The following RAPGEF5 variants were observed in gnomAD, a reference collection of about 807,000 sequenced individuals.
The protein encoded by RAPGEF5 is Rap guanine nucleotide exchange factor 5, also known as M-Ras-regulated GEF.
In RAPGEF5, 65 loss-of-function variants were observed where a neutral mutation model predicts 125.2. The observed-to-expected ratio is 0.52, with a 90% CI of 0.43 to 0.64. RAPGEF5 has a LOEUF of 0.64. Ranked by LOEUF, RAPGEF5 falls within the 30% of genes least tolerant of loss-of-function variation. The pLI is 0.00. For synonymous variants in RAPGEF5, 391 were observed against 385.9 expected (o/e 1.01, Z -0.16); for missense variants, 958 against 1,048.1 (o/e 0.91, Z 1.19).
At chr7:22,179,843 T>C (rs891737519) in intron 11 of RAPGEF5, among the ~76,000 whole-genome samples, 6 of 152,180 alleles carry the variant, frequency 3.9e-5, no homozygotes, top group Admixed American at 1.3e-4. Context: ...TTACCACATA[T>C]GTTCTAAAAA....
intron 9 of RAPGEF5, among the ~76,000 whole-genome samples, chr7:22,215,830 TC>T (rs1370727405): frequency 2.0e-5 from 3 of 152,090 alleles, no homozygotes; most frequent in African/African-American, 7.2e-5. Context: ...GTTTGTGTAG[TC>T]CCCATAGTGT....
At chr7:22,341,127 G>A (rs1784120316) in intron 1 of RAPGEF5, among the ~76,000 whole-genome samples, 1 of 152,174 alleles carries the variant, frequency 6.6e-6, no homozygotes, top group East Asian at 1.9e-4. Flanking sequence ...ATTTACAAAA[G>A]AAATAGGTTT....
At chr7:22,297,544 T>C (rs1783090044) in intron 5 of RAPGEF5, among the ~76,000 whole-genome samples, 1 of 152,132 alleles carries the variant, frequency 6.6e-6, no homozygotes, top group Non-Finnish European at 1.5e-5. Flanking sequence ...TTAAAGGCCA[T>C]GAATATAAAA....
intron 24 of RAPGEF5, among the ~76,000 whole-genome samples, chr7:22,128,744 G>A (rs1782823852): frequency 6.6e-6 from 1 of 152,166 alleles, no homozygotes; most frequent in Non-Finnish European, 1.5e-5. Context: ...CTAGTCCCAG[G>A]TGTGGAGCCT....
chr7:22,202,371 C>T (rs1465600002), intron 9 of RAPGEF5, among the ~76,000 whole-genome samples: 1 of 152,136 alleles, frequency 6.6e-6, no homozygotes. Context: ...ACAGGGCTTG[C>T]CTTATCTACA....
At chr7:22,168,134 A>C (rs1016476730) in intron 11 of RAPGEF5, among the ~76,000 whole-genome samples, 11 of 152,148 alleles carry the variant, frequency 7.2e-5, no homozygotes, top group Admixed American at 6.5e-4. Flanking sequence ...TGTCCTTTGC[A>C]ACACCCCCAC....
rs149878908 is a variant in RAPGEF5 at position 22,303,929 on chromosome 7, C to G, written c.680+4410G>C. ...AAGGCAAGAAGAGCAGAGGAAAGAG[C>G]AAGAGTATCACACTGGCATGAGGAA... On this transcript the variant is annotated intron_variant, in intron 5 of 25. Transcript: ENST00000665637. Among the ~76,000 whole-genome samples the G allele has an allele frequency of 3.1e-3, 478 of 152,220 alleles. 3 individuals are homozygous for G. Among genetic ancestry groups the G allele is most frequent in the African/African-American group, 0.011 (442 of 41,532 alleles).
intron 1 of RAPGEF5, among the ~76,000 whole-genome samples, chr7:22,334,283 TA>T (rs1783985133): frequency 6.6e-6 from 1 of 152,024 alleles, no homozygotes; most frequent in Non-Finnish European, 1.5e-5. Flanking sequence ...AGAGAAGTGT[TA>T]AAAATGATCA....
intron 24 of RAPGEF5, among the ~76,000 whole-genome samples, chr7:22,128,765 G>A (rs1285045859): frequency 1.3e-5 from 2 of 152,186 alleles, no homozygotes; most frequent in Non-Finnish European, 2.9e-5. Flanking sequence ...GCCCTCTGAG[G>A]AAATGAAGAG....
chr7:22,279,023 A>G (rs929084981), intron 6 of RAPGEF5, among the ~76,000 whole-genome samples: 1 of 152,160 alleles, frequency 6.6e-6, no homozygotes, highest in African/African-American at 2.4e-5. Context: ...ACCCAGCTAC[A>G]TAGCCTATTC....
chr7:22,149,171 G>A (rs569676355), intron 18 of RAPGEF5, among the ~76,000 whole-genome samples: 19 of 152,300 alleles, frequency 1.2e-4, no homozygotes, highest in African/African-American at 2.9e-4. Flanking sequence ...ACGAGATACC[G>A]TATGTAAATT....
intron 1 of RAPGEF5, among the ~76,000 whole-genome samples, chr7:22,320,933 G>T (rs1051682195): frequency 1.3e-5 from 2 of 151,988 alleles, no homozygotes; most frequent in Non-Finnish European, 2.9e-5. Context: ...TCGATGCAGG[G>T]TATCCTCTCT....
chr7:22,340,632 C>A (rs1232790911), intron 1 of RAPGEF5, among the ~76,000 whole-genome samples: 1 of 152,232 alleles, frequency 6.6e-6, no homozygotes, highest in African/African-American at 2.4e-5. Context: ...CCCCAGCCCC[C>A]ACAGCCCTTC....
chr7:22,264,263 C>T (rs573001274), intron 7 of RAPGEF5, among the ~76,000 whole-genome samples: 8 of 152,164 alleles, frequency 5.3e-5, no homozygotes, highest in Non-Finnish European at 1.2e-4. Flanking sequence ...CTGGAATATA[C>T]TGAACAACTG....
intron 1 of RAPGEF5, among the ~76,000 whole-genome samples, chr7:22,342,874 AC>A (rs895661449): frequency 1.3e-5 from 2 of 152,124 alleles, no homozygotes; most frequent in Non-Finnish European, 2.9e-5. Context: ...GAAGTTCCAA[AC>A]TTTCCCAAAT....
At chr7:22,337,379 G>A (rs2128386061) in intron 1 of RAPGEF5, among the ~76,000 whole-genome samples, 1 of 152,226 alleles carries the variant, frequency 6.6e-6, no homozygotes, top group Non-Finnish European at 1.5e-5. Flanking sequence ...CATCTTAAAA[G>A]GCCACTCTTA....
chr7:22,143,630 G>T (rs548719370), intron 20 of RAPGEF5, among the ~76,000 whole-genome samples: 1 of 152,178 alleles, frequency 6.6e-6, no homozygotes, highest in Non-Finnish European at 1.5e-5. Context: ...CTCCCACAGA[G>T]AGTGTACTCT....
chr7:22,170,053 T>G (rs1371550189), intron 11 of RAPGEF5, among the ~76,000 whole-genome samples: 1 of 151,574 alleles, frequency 6.6e-6, no homozygotes, highest in Non-Finnish European at 1.5e-5. Context: ...GCACTCAATA[T>G]TAGACACAAG....
rs896214400 is a variant in RAPGEF5, at chr7:22,162,526, C to G, written c.1299G>C (p.Lys433Asn). 6.2e-7 allele frequency: 1 copy of G among 1,609,114 alleles called. No homozygotes were observed. The highest frequency in any genetic ancestry group is 8.5e-7 in the Non-Finnish European group (1 of 1,175,912). ...QALLRHYSAK[K>N]YQGKEENSDV... ...CTGAGTTTTCCTCTTTGCCTTGATA[C>G]TTCTTAGCAGAATAGGTGCAAATGG... The change falls in exon 13 of 26, where the codon AAG (lysine) becomes AAC (asparagine). Residue 433 changes from lysine (K) to asparagine (N), a missense_variant. Lys to Asn is a moderately conservative substitution (Grantham distance 94). Transcript: ENST00000665637.
Sources: gnomAD v4.1 joint callset for allele counts (sites outside exome capture counted in the v4.1 genomes callset) on GRCh38, gnomAD v4.1.1 for gene constraint, MANE v1.5 for transcripts, NCBI Gene and HGNC (gene_info 2026-07-23, HGNC 2026-07-21) for gene names.